The following DMPK variants were observed in gnomAD, a reference collection of about 807,000 sequenced individuals.
The protein encoded by DMPK is DM1 protein kinase, also known as myotonin-protein kinase.
A neutral mutation model predicts 70.3 loss-of-function variants in DMPK; 32 were observed. That is an observed-to-expected ratio of 0.46 (90% CI 0.34 to 0.61). The LOEUF (loss-of-function observed/expected upper bound fraction) is 0.61. Among genes scored for constraint, DMPK ranks in the 20% least tolerant of loss-of-function variants. DMPK has a pLI of 0.01. For missense variants in DMPK, 899 were observed against 886.0 expected (o/e 1.01, Z -0.19); for synonymous variants, 469 against 390.9 (o/e 1.20, Z -2.36).
chr19:45,772,310 A>G, intron 10 of DMPK: 2 of 355,970 alleles, frequency 5.6e-6, no homozygotes, highest in Non-Finnish European at 1.0e-5. Flanking sequence ...TTTCAGGAAC[A>G]AATCAGGATT....
chr19:45,772,573 A>C (rs1228874550), intron 10 of DMPK, 68 bp downstream of exon 10: 3 of 1,031,102 alleles, frequency 2.9e-6, no homozygotes, highest in Non-Finnish European at 4.2e-6. Flanking sequence ...AGTGCACGCC[A>C]CCCGGGAAGC....
At chr19:45,778,751 C>T (rs948882135) in intron 4 of DMPK, 110 bp from the exon 5 acceptor site, 10 of 1,159,200 alleles carry the variant, frequency 8.6e-6, no homozygotes, top group Non-Finnish European at 1.2e-5. Flanking sequence ...CAGAGACCTG[C>T]AGCCCCAGCC....
chr19:45,779,539 G>A lies in DMPK; in HGVS notation c.253-17C>T, dbSNP rs73564346. Reference sequence around the variant, plus strand: ...TACCGCTACCTGAGGTCGAGATAGTGAGACAGAGTGGAGACGGCGGGAAAA... The same window carrying A: ...TACCGCTACCTGAGGTCGAGATAGTAAGACAGAGTGGAGACGGCGGGAAAA... On this transcript the variant is annotated splice_polypyrimidine_tract_variant and intron_variant, in intron 2 of 14. Coordinates refer to ENST00000291270, the MANE Select transcript of DMPK (RefSeq NM_004409.5). 1 of 1,613,614 alleles carries A rather than the reference G, an allele frequency of 6.2e-7. No individual in the cohort carries two copies.
intron 1 of DMPK, among the ~76,000 whole-genome samples, chr19:45,781,387 C>T (rs1970108167): frequency 1.3e-5 from 2 of 152,144 alleles, no homozygotes; most frequent in Admixed American, 1.3e-4. Context: ...TGGCCCCAGG[C>T]CCTGGAAAGC....
intron 9 of DMPK, among the ~76,000 whole-genome samples, chr19:45,773,827 G>C (rs1043617144): frequency 1.3e-5 from 2 of 151,832 alleles, no homozygotes; most frequent in African/African-American, 2.4e-5. Context: ...ATTTTTTGTA[G>C]AGACAGGGTC....
At position 45,770,433 on chromosome 19, in the gene DMPK, G is replaced by T; in HGVS notation, c.*55C>A. On this transcript the variant is annotated 3_prime_UTR_variant, in exon 15 of 15. Transcript: ENST00000291270. ...GCGGTGGGCGCGGCTTCTGTGCCGT[G>T]CCCCGGGCACTCAGTCTTCCAACGG... is the stretch of plus-strand genomic sequence containing the variant. 1 of 1,542,046 alleles carries T rather than the reference G, an allele frequency of 6.5e-7. No individual in the cohort carries two copies. Among genetic ancestry groups the T allele is most frequent in the Non-Finnish European group, 8.8e-7 (1 of 1,141,058 alleles).
intron 1 of DMPK, among the ~76,000 whole-genome samples, chr19:45,781,566 A>G (rs1266046536): frequency 6.6e-6 from 1 of 152,062 alleles, no homozygotes; most frequent in Non-Finnish European, 1.5e-5. Flanking sequence ...CCTACAAAAG[A>G]AGGAGACACA....
At chr19:45,771,738 CATCCCG>C in intron 11 of DMPK, 27 bp downstream of exon 11, 1 of 1,598,540 alleles carries the variant, frequency 6.3e-7, no homozygotes, top group East Asian at 2.3e-5. Flanking sequence ...CACCGGCCCG[CATCCCG>C]GCCCCGGCCC....
At chr19:45,779,412 GC>G (rs1969977333) in intron 3 of DMPK, 26 bp downstream of exon 3, 2 of 1,613,816 alleles carry the variant, frequency 1.2e-6, no homozygotes, top group South Asian at 1.1e-5. Context: ...GATCCTCAAA[GC>G]CCCCCACGTC....
At position 45,778,131 on chromosome 19, in the gene DMPK, C is replaced by A; in HGVS notation, c.671G>T (p.Gly224Val). Reference sequence around the variant, plus strand: ...GTGGCCAGGGCACTGGCTCACCGTTCCATCTGCCCGCAGCTTGAGGCAAGA... The same window carrying A: ...GTGGCCAGGGCACTGGCTCACCGTTACATCTGCCCGCAGCTTGAGGCAAGA... ...FGSCLKLRAD[G>V]TVRSLVAVGT... Residue 224 changes from glycine (G) to valine (V), a missense_variant, in exon 6 of 15, where the codon GGA becomes GTA. Gly to Val is a moderately radical substitution (Grantham distance 109). Transcript: ENST00000291270. 1 of 1,610,610 alleles carries A rather than the reference C, an allele frequency of 6.2e-7. No homozygotes were observed. The highest frequency in any genetic ancestry group is 8.5e-7 in the Non-Finnish European group (1 of 1,178,422).
At position 45,770,524 on chromosome 19, in the gene DMPK, T is replaced by G; in HGVS notation, c.1854A>C (p.Ala618=). 6.4e-7 allele frequency: 1 copy of G among 1,550,536 alleles called. No individual in the cohort carries two copies. Among genetic ancestry groups the G allele is most frequent in the East Asian group, 2.4e-5 (1 of 40,910 alleles). Residue 618 remains alanine (A), a synonymous_variant, in exon 15 of 15, where the codon GCA becomes GCC. Transcript: ENST00000291270. ...GGGCGGCTCCTGGGCGGCGCCAGAC[T>G]GCGGTGAGTTGGCCGGCGTGGGCCA... ...GLVAHAGQLT[A]VWRRPGAARA... is the part of the protein sequence containing the mutation.
At chr19:45,779,032 C>G in intron 4 of DMPK, 3 of 599,184 alleles carry the variant, frequency 5.0e-6, no homozygotes, top group Non-Finnish European at 8.9e-6. Context: ...ACAGAGACAT[C>G]TTTATAAGAG....
intron 5 of DMPK, 65 bp from the exon 6 acceptor site, chr19:45,778,285 G>A (rs887837396): frequency 1.0e-5 from 15 of 1,497,838 alleles, no homozygotes; most frequent in Middle Eastern, 1.7e-4. Context: ...ACCAGGCTCC[G>A]CCCCTCCGGG....
At position 45,773,354 on chromosome 19, in the gene DMPK, G is replaced by A. The variant is rs147007284; in HGVS notation, c.1233-602C>T. 3.1e-4 allele frequency among the ~76,000 whole-genome samples: 47 copies of A among 152,272 alleles called. No individual in the cohort carries two copies. The East Asian group carries it at 5.4e-3, about 18-fold the overall frequency. On this transcript the variant is annotated intron_variant, in intron 9 of 14. Coordinates refer to ENST00000291270, the MANE Select transcript of DMPK (RefSeq NM_004409.5). ...AGGATGGGTTCAATCCTGACCCACC[G>A]TTCAGGCCCCGCAGCGGTTCAGAAT...
chr19:45,781,858 A>T (rs1320015738), intron 1 of DMPK, among the ~76,000 whole-genome samples: 1 of 152,030 alleles, frequency 6.6e-6, no homozygotes, highest in African/African-American at 2.4e-5. Context: ...TAGGAGAGGG[A>T]GCTCCCAGCA....
At chr19:45,772,829 G>A in intron 9 of DMPK, 77 bp from the exon 10 acceptor site, 1 of 802,172 alleles carries the variant, frequency 1.2e-6, no homozygotes, top group Non-Finnish European at 1.8e-6. Flanking sequence ...TCTGGCCTGT[G>A]GGTAGGGGCA....
At position 45,771,860 on chromosome 19, in the gene DMPK, G is replaced by C. The variant is rs1600417981; in HGVS notation, c.1413C>G (p.Leu471=). The change falls in exon 11 of 15, where the codon CTC becomes CTG. Residue 471 remains leucine, a synonymous_variant. Transcript: ENST00000291270. ...EAEAEVTLRE[L]QEALEEEVLT... The stretch of plus-strand genomic sequence containing the variant: ...GCACCTCCTCCTCCAGGGCTTCCTG[G>C]AGCTCCCGCAGCGTCACCTCGGCCT... 2 of 1,582,494 alleles carry C rather than the reference G, an allele frequency of 1.3e-6. No homozygotes were observed. Among genetic ancestry groups the C allele is most frequent in the East Asian group, 4.7e-5 (2 of 42,814 alleles).
At position 45,778,644 on chromosome 19, in the gene DMPK, G is replaced by A. The variant is rs987351587; in HGVS notation, c.433-3C>T. Reference sequence around the variant, plus strand: ...ACGTAATACTCCATGACCAGGTACTGAGAAGGGGTTCGTCATGGGTGGTTG... The same window carrying A: ...ACGTAATACTCCATGACCAGGTACTAAGAAGGGGTTCGTCATGGGTGGTTG... On this transcript the variant is annotated splice_region_variant and splice_polypyrimidine_tract_variant and intron_variant, in intron 4 of 14. Transcript: ENST00000291270. The A allele has an allele frequency of 6.8e-6, 11 of 1,613,028 alleles. No individual in the cohort carries two copies. Among genetic ancestry groups the A allele is most frequent in the Non-Finnish European group, 8.5e-6 (10 of 1,179,618 alleles).
Position 45,775,798 on chromosome 19 carries a change from G to A in DMPK, c.1147-764C>T, listed in dbSNP as rs372287704. ...CTCCCAAAGTTCTGGGATTACAGGCGTGAACCACCTTGCCCAACCCTTTTT... is the reference window on the plus strand; with the variant it reads ...CTCCCAAAGTTCTGGGATTACAGGCATGAACCACCTTGCCCAACCCTTTTT... On this transcript the variant is annotated intron_variant, in intron 8 of 14. Transcript: ENST00000291270. 4.5e-4 allele frequency among the ~76,000 whole-genome samples: 48 copies of A among 105,996 alleles called. 14 individuals carry two copies. Among genetic ancestry groups the A allele is most frequent in the African/African-American group, 1.4e-3 (42 of 30,988 alleles). The allele number at this position is 105,996 out of a possible 152,430, so 69.5% of individuals were successfully genotyped here.
Sources: allele counts gnomAD v4.1 joint callset (sites outside exome capture counted in the v4.1 genomes callset), GRCh38; gene constraint gnomAD v4.1.1; transcripts MANE v1.5; gene names NCBI Gene and HGNC (gene_info 2026-07-23, HGNC 2026-07-21).